The following ADSL variants were observed in gnomAD, a reference collection of about 807,000 sequenced individuals.
The protein encoded by ADSL is adenylosuccinate lyase.
ADSL carries 44 observed loss-of-function variants against 62.1 expected under a neutral mutation model. The ratio of observed to expected loss-of-function variants is 0.71; its 90% CI spans 0.56 to 0.91. The LOEUF is 0.91. Among genes scored for constraint, ADSL ranks in the 40% least tolerant of loss-of-function variants. The pLI, the probability that ADSL is intolerant of heterozygous loss-of-function variation, is 0.00. For missense variants in ADSL, 531 were observed against 627.4 expected (o/e 0.85, Z 1.64); for synonymous variants, 198 against 220.5 (o/e 0.90, Z 0.90).
At chr22:40,364,425 C>A in intron 11 of ADSL, 60 bp downstream of exon 11, 1 of 1,405,556 alleles carries the variant, frequency 7.1e-7, no homozygotes, top group Admixed American at 1.8e-5. Flanking sequence ...CTGCTCTCTT[C>A]TCCGTGAAGG....
downstream of ADSL, among the ~76,000 whole-genome samples, chr22:40,369,760 C>G (rs1311768701): frequency 6.6e-6 from 1 of 152,072 alleles, no homozygotes; most frequent in Non-Finnish European, 1.5e-5. Context: ...CACACGGACT[C>G]CAGCATCAGA....
At chr22:40,374,090 C>T (rs1426721151), downstream of ADSL, among the ~76,000 whole-genome samples, 1 of 152,010 alleles carries the variant, frequency 6.6e-6, no homozygotes, top group Non-Finnish European at 1.5e-5. Flanking sequence ...GTAGCTGGGA[C>T]TACAGGCGCC....
rs867551834 is a variant in ADSL, at chr22:40,361,485, C to A, written c.863-3C>A. On this transcript the variant is annotated splice_region_variant and splice_polypyrimidine_tract_variant and intron_variant, in intron 8 of 12. Transcript: ENST00000623063. ...GCATCTTGTCCTTTTTTTACATGGG[C>A]AGGCTCAAGTGCGATGCCATATAAG... 1 of 1,614,202 alleles carries A rather than the reference C, an allele frequency of 6.2e-7. No homozygotes were observed. The highest frequency in any genetic ancestry group is 1.6e-4 in the Middle Eastern group (1 of 6,062).
intron 6 of ADSL, among the ~76,000 whole-genome samples, chr22:40,359,935 A>G (rs1332188338): frequency 6.6e-6 from 1 of 152,210 alleles, no homozygotes; most frequent in African/African-American, 2.4e-5. Context: ...TTCTTTACTT[A>G]GGGCCCCCAA....
intron 4 of ADSL, among the ~76,000 whole-genome samples, chr22:40,354,882 A>G (rs1473776568): frequency 3.3e-5 from 5 of 152,036 alleles, no homozygotes; most frequent in African/African-American, 1.2e-4. Context: ...AAAAAAAAAA[A>G]AGAAAAAAAT....
chr22:40,364,782 C>G, intron 11 of ADSL, 98 bp from the exon 12 acceptor site: 2 of 1,282,572 alleles, frequency 1.6e-6, no homozygotes, highest in African/African-American at 2.9e-5. Flanking sequence ...TTGTGTAGAG[C>G]TGTGTAGACT....
At chr22:40,382,502 C>T (rs1017747121) in intron 2 of ADSL, among the ~76,000 whole-genome samples, 1 of 152,130 alleles carries the variant, frequency 6.6e-6, no homozygotes, top group Non-Finnish European at 1.5e-5. Context: ...CTCCATGTTA[C>T]CTTACCTACC....
At chr22:40,366,362 CT>C in intron 12 of ADSL, 73 bp from the exon 13 acceptor site, 2 of 1,117,336 alleles carry the variant, frequency 1.8e-6, no homozygotes, top group Non-Finnish European at 2.7e-6. Context: ...GTGGTATCCC[CT>C]GACATTGGAA....
At position 40,360,508 on chromosome 22, in the gene ADSL, A is replaced by C; in HGVS notation, c.792+16A>C. The C allele has an allele frequency of 1.2e-6, 2 of 1,604,968 alleles. No individual in the cohort carries two copies. Among genetic ancestry groups the C allele is most frequent in the South Asian group, 2.2e-5 (2 of 90,870 alleles). ...AGTGCACAAGGTGAGTGGTGGCAGCATGTGGGGTGGGGACAGGAGCTTTGG... is the reference window on the plus strand; with the variant it reads ...AGTGCACAAGGTGAGTGGTGGCAGCCTGTGGGGTGGGGACAGGAGCTTTGG... On this transcript the variant is annotated intron_variant, in intron 7 of 12. Transcript: ENST00000623063.
intron 10 of ADSL, 69 bp downstream of exon 10, chr22:40,363,140 G>A: frequency 7.1e-7 from 1 of 1,414,280 alleles, no homozygotes; most frequent in Non-Finnish European, 1.0e-6. Flanking sequence ...GGTGCTCTGG[G>A]GTGTGTTGAG....
At position 40,363,096 on chromosome 22, in the gene ADSL, A is replaced by T. The variant is rs1270750075; in HGVS notation, c.1101+25A>T. ...AGTAAGAAGCCTCAATTCAAAAGTA[A>T]AGTACTAGGGAGGGGTTAGAATGTG... On this transcript the variant is annotated intron_variant, in intron 10 of 12. Coordinates refer to ENST00000623063, the MANE Select transcript of ADSL (RefSeq NM_000026.4). The T allele has an allele frequency of 1.9e-6, 3 of 1,603,054 alleles. No homozygotes were observed. The East Asian group carries it at 6.7e-5, about 36-fold the overall frequency.
chr22:40,385,106 A>G (rs556786729), intron 2 of ADSL, among the ~76,000 whole-genome samples: 7 of 152,246 alleles, frequency 4.6e-5, no homozygotes, highest in Non-Finnish European at 1.0e-4. Context: ...TCAAGAAACC[A>G]AAGTAAGTCA....
In ADSL at chr22:40,366,694, CAA is replaced by C. The variant is rs909310332; in HGVS notation, c.*174_*175del. On this transcript the variant is annotated 3_prime_UTR_variant, in exon 13 of 13. Transcript: ENST00000623063. The stretch of plus-strand genomic sequence containing the variant: ...CTCACATTTCTCAACAAGGCAAAAA[CAA>C]AGAGCGTTGAAGTTGACTCTGCTCT... 1.1e-5 allele frequency: 7 copies of C among 621,186 alleles called. No individual in the cohort carries two copies. The highest frequency in any genetic ancestry group is 2.0e-5 in the Non-Finnish European group (7 of 344,070). 38.5% of individuals were successfully genotyped at this position (621,186 alleles called of 1,614,324 possible). A position where few individuals can be genotyped will look rare whatever the true frequency, so the allele number is the denominator to read the frequency against.
At chr22:40,381,034 C>T (rs1430897613) in intron 2 of ADSL, among the ~76,000 whole-genome samples, 1 of 152,114 alleles carries the variant, frequency 6.6e-6, no homozygotes. Context: ...AATGTTTTAG[C>T]ATGATAATGG....
downstream of ADSL, chr22:40,373,322 A>T (rs1465590502): frequency 1.3e-5 from 2 of 152,096 alleles, no homozygotes; most frequent in African/African-American, 4.8e-5. Context: ...AATTACTACC[A>T]TTTCTCCTGC....
chr22:40,351,966 T>A (rs1046172957), intron 2 of ADSL: 4 of 152,294 alleles, frequency 2.6e-5, no homozygotes, highest in Admixed American at 2.0e-4. Context: ...AAATGCTTTC[T>A]TTAGTCTTAA....
rs1364564756 is a variant in ADSL at position 40,361,521 on chromosome 22, T to C, written c.896T>C (p.Met299Thr). Residue 299 changes from methionine to threonine, a missense_variant, in exon 9 of 13, where the codon ATG becomes ACG. Physicochemically the swap from Met to Thr is moderately conservative, Grantham distance 81. Around this residue, in one of 2 missense-constraint regions of ADSL, gnomAD observed 471 missense variants for 592.9 expected, o/e 0.79. Transcript: ENST00000623063. ...GCGATGCCATATAAGCGGAATCCCA[T>C]GCGTTCAGAACGTTGCTGCAGTCTT... ...SSAMPYKRNPMRSERCCSLAR... is the reference protein window; with the variant it reads ...SSAMPYKRNPTRSERCCSLAR... 8.1e-6 allele frequency: 13 copies of C among 1,614,134 alleles called. No homozygotes were observed. Among genetic ancestry groups the C allele is most frequent in the East Asian group, 6.7e-5 (3 of 44,906 alleles).
chr22:40,387,411 T>C (rs1023023574), intron 2 of ADSL: 13 of 385,730 alleles, frequency 3.4e-5, no homozygotes, highest in African/African-American at 6.2e-5. Context: ...AAAGATGAGA[T>C]AGTTTGTTGA....
intron 8 of ADSL, 55 bp downstream of exon 8, chr22:40,361,397 G>A (rs368115864): frequency 5.6e-6 from 9 of 1,611,770 alleles, no homozygotes; most frequent in African/African-American, 2.7e-5. Context: ...GGCTGTGGAT[G>A]GGGGCTGAGA....
Sources: allele counts gnomAD v4.1 joint callset (sites outside exome capture counted in the v4.1 genomes callset), GRCh38; gene constraint gnomAD v4.1.1; regional missense constraint gnomAD v4.1.1; transcripts MANE v1.5; gene names NCBI Gene and HGNC (gene_info 2026-07-23, HGNC 2026-07-21).